LAMB4: variants seen among roughly 807,000 people sequenced by gnomAD.
The protein encoded by LAMB4 is laminin subunit beta-4.
LAMB4 carries 196 observed loss-of-function variants against 199.2 expected under a neutral mutation model. The observed-to-expected ratio is 0.98, with a 90% CI of 0.88 to 1.11. LAMB4 has a LOEUF of 1.11. LAMB4 is among the 50% of genes least tolerant of loss of function. The pLI is 0.00. For missense variants in LAMB4, 2,080 were observed against 2,171.2 expected, an observed-to-expected ratio of 0.96 and a Z score of 0.83; for synonymous variants, 744 against 770.6, an observed-to-expected ratio of 0.97 and a Z score of 0.57.
intron 25 of LAMB4, among the ~76,000 whole-genome samples, chr7:108,052,786 C>T (rs1414099785): frequency 6.6e-6 from 1 of 152,166 alleles, no homozygotes; most frequent in African/African-American, 2.4e-5. Flanking sequence ...GTGAGTGTTC[C>T]CCTGGGTTTT....
intron 14 of LAMB4, among the ~76,000 whole-genome samples, chr7:108,088,806 A>C (rs1455709414): frequency 2.0e-5 from 3 of 152,164 alleles, no homozygotes; most frequent in Non-Finnish European, 4.4e-5. Context: ...CTGTCACATT[A>C]TTCTCTTGCA....
chr7:108,093,266 C>T (rs1430360800), intron 12 of LAMB4, among the ~76,000 whole-genome samples: 8 of 151,996 alleles, frequency 5.3e-5, no homozygotes, highest in South Asian at 2.1e-4. Flanking sequence ...GGGGTTTTAC[C>T]GTGTTAGCCA....
chr7:108,034,169 C>T (rs902841121), intron 31 of LAMB4, 39 bp downstream of exon 31: 1 of 1,607,040 alleles, frequency 6.2e-7, no homozygotes, highest in African/African-American at 1.3e-5. Flanking sequence ...TTTTTACCCT[C>T]AAAACCTATT....
chr7:108,044,817 G>A (rs1239757599), intron 28 of LAMB4, among the ~76,000 whole-genome samples: 1 of 151,954 alleles, frequency 6.6e-6, no homozygotes, highest in Non-Finnish European at 1.5e-5. Context: ...GCCAGGCATG[G>A]TGGCGCATGC....
At chr7:108,015,248 T>A in the LAMB4 span, among the ~76,000 whole-genome samples, 2 of 152,230 alleles carry the variant, frequency 1.3e-5, no homozygotes, top group Non-Finnish European at 2.9e-5. Flanking sequence ...TAAACCTGAA[T>A]GTCATAAAGA....
At chr7:108,095,135 A>G in intron 12 of LAMB4, 93 bp downstream of exon 12, 2 of 855,846 alleles carry the variant, frequency 2.3e-6, no homozygotes, top group Non-Finnish European at 3.8e-6. Context: ...ACAATAGGAC[A>G]AGAAAGAGAT....
rs1229994539 is a variant in LAMB4, at chr7:108,034,264, A to C, written c.4762T>G (p.Ser1588Ala). Residue 1588 changes from serine to alanine, a missense_variant, in exon 31 of 34, where the codon TCT (serine) becomes GCT (alanine). Ser to Ala is a moderately conservative substitution (Grantham distance 99, BLOSUM62 1). Coordinates refer to ENST00000388781, the MANE Select transcript of LAMB4 (RefSeq NM_007356.3). ...QAQITQGRAN[S>A]TITQLTANIT... ...TTGGCAGTCAGCTGTGTAATGGTAGAGTTTGCCCGTCCTTGAGTGATTTGA... is the reference window on the plus strand; with the variant it reads ...TTGGCAGTCAGCTGTGTAATGGTAGCGTTTGCCCGTCCTTGAGTGATTTGA... The C allele has an allele frequency of 6.2e-7, 1 of 1,613,788 alleles. No homozygotes were observed. The highest frequency in any genetic ancestry group is 2.2e-5 in the East Asian group (1 of 44,878).
chr7:108,097,379 T>C (rs1334472451), intron 11 of LAMB4, among the ~76,000 whole-genome samples: 1 of 152,230 alleles, frequency 6.6e-6, no homozygotes, highest in Non-Finnish European at 1.5e-5. Context: ...TGAGGTGTTT[T>C]TCTATTTCCG....
intron 26 of LAMB4, among the ~76,000 whole-genome samples, chr7:108,050,029 C>T (rs899850738): frequency 2.0e-5 from 3 of 152,162 alleles, no homozygotes; most frequent in Admixed American, 1.3e-4. Context: ...AAATAATTAA[C>T]GTTTTAGGCT....
At chr7:108,087,972 G>A (rs1054559028) in intron 14 of LAMB4, among the ~76,000 whole-genome samples, 1 of 152,162 alleles carries the variant, frequency 6.6e-6, no homozygotes, top group Non-Finnish European at 1.5e-5. Flanking sequence ...AGTTGTAAGT[G>A]CATTCATTAC....
At chr7:108,089,029 T>C (rs1289672696) in intron 14 of LAMB4, among the ~76,000 whole-genome samples, 1 of 152,162 alleles carries the variant, frequency 6.6e-6, no homozygotes. Context: ...GCCCTTTGTT[T>C]TGGGTTAAAT....
At chr7:108,110,998 T>C (rs1169811972) in intron 4 of LAMB4, among the ~76,000 whole-genome samples, 1 of 152,130 alleles carries the variant, frequency 6.6e-6, no homozygotes, top group African/African-American at 2.4e-5. Flanking sequence ...CAGGAGTTTG[T>C]AGAGAATAGA....
At chr7:108,124,744 A>AT (rs2038720142) in intron 1 of LAMB4, among the ~76,000 whole-genome samples, 1 of 151,918 alleles carries the variant, frequency 6.6e-6, no homozygotes, top group Non-Finnish European at 1.5e-5. Context: ...AAGTGAGACT[A>AT]TTTTTTCACA....
the LAMB4 span, among the ~76,000 whole-genome samples, chr7:108,017,524 G>A: frequency 2.6e-5 from 4 of 152,288 alleles, no homozygotes; most frequent in South Asian, 6.2e-4. Flanking sequence ...TATTTAGAGT[G>A]CTCCACACTG....
intron 1 of LAMB4, among the ~76,000 whole-genome samples, chr7:108,126,554 CTTTTTT>C (rs71137605): frequency 6.0e-5 from 5 of 83,520 alleles, no homozygotes; most frequent in Non-Finnish European, 1.0e-4. Context: ...GAATTTCTTT[CTTTTTT>C]TTTTTTTTTT....
In LAMB4 at chr7:108,057,984, G is replaced by A. The variant is rs866554736; in HGVS notation, c.3283-56C>T. 15 of 1,182,958 alleles carry A rather than the reference G, an allele frequency of 1.3e-5. No homozygotes were observed. The Middle Eastern group carries it at 1.3e-3, about 106-fold the overall frequency. 73.3% of individuals were successfully genotyped at this position (1,182,958 alleles called of 1,614,324 possible). A position where few individuals can be genotyped will look rare whatever the true frequency, so the allele number is the denominator to read the frequency against. On this transcript the variant is annotated intron_variant, in intron 23 of 33. Coordinates refer to ENST00000388781, the MANE Select transcript of LAMB4 (RefSeq NM_007356.3). ...CAAGTTTTATGGTCTAAAAAAAAATGCATTTTAATAGGAAATATTTTCCCC... is the reference window on the plus strand; with the variant it reads ...CAAGTTTTATGGTCTAAAAAAAAATACATTTTAATAGGAAATATTTTCCCC...
intron 25 of LAMB4, 72 bp downstream of exon 25, chr7:108,055,560 C>T (rs749116639): frequency 2.4e-5 from 35 of 1,429,808 alleles, no homozygotes; most frequent in South Asian, 8.1e-5. Flanking sequence ...TGAAGGCTGA[C>T]GATGTTAAAG....
intron 17 of LAMB4, among the ~76,000 whole-genome samples, chr7:108,070,625 A>G (rs2036500827): frequency 6.6e-6 from 1 of 152,184 alleles, no homozygotes; most frequent in South Asian, 2.1e-4. Flanking sequence ...TTAATAACAT[A>G]TTCTTTTCTC....
At chr7:108,076,581 T>C (rs1398950744) in intron 17 of LAMB4, among the ~76,000 whole-genome samples, 1 of 152,158 alleles carries the variant, frequency 6.6e-6, no homozygotes, top group Non-Finnish European at 1.5e-5. Flanking sequence ...ATACCAACAG[T>C]GTGCTGTCGT....
Sources: gnomAD v4.1 joint callset for allele counts (sites outside exome capture counted in the v4.1 genomes callset) on GRCh38, gnomAD v4.1.1 for gene constraint, MANE v1.5 for transcripts, NCBI Gene and HGNC (gene_info 2026-07-23, HGNC 2026-07-21) for gene names.